FAN1: variants seen among roughly 807,000 people sequenced by gnomAD.
The protein encoded by FAN1 is FANCD2 and FANCI associated nuclease 1, also known as fanconi-associated nuclease 1.
Under a neutral mutation model 104.9 loss-of-function variants are expected in FAN1, and 91 were observed. The ratio of observed to expected loss-of-function variants is 0.87; its 90% CI spans 0.73 to 1.03. FAN1 has a LOEUF of 1.03. Among genes scored for constraint, FAN1 ranks in the 50% least tolerant of loss-of-function variants. The pLI is 0.00. For missense variants in FAN1, 1,263 were observed against 1,239.9 expected (o/e 1.02, Z -0.28); for synonymous variants, 478 against 457.6 (o/e 1.04, Z -0.57).
intron 13 of FAN1, among the ~76,000 whole-genome samples, chr15:30,931,841 T>C (rs2062718128): frequency 6.6e-6 from 1 of 152,190 alleles, no homozygotes; most frequent in African/African-American, 2.4e-5. Flanking sequence ...GTGTAAGTCC[T>C]ATAATGACTT....
At position 30,905,524 on chromosome 15, in the gene FAN1, G is replaced by A; in HGVS notation, c.861G>A (p.Glu287=). The A allele has an allele frequency of 6.2e-7, 1 of 1,614,030 alleles. No individual in the cohort carries two copies. The change falls in exon 2 of 15, where the codon GAG becomes GAA. Residue 287 remains glutamate, a synonymous_variant. Coordinates refer to ENST00000362065, the MANE Select transcript of FAN1 (RefSeq NM_014967.5). The part of the protein sequence containing the change: ...STSEDSLVKQ[E]CIKEVVEKRE... ...CAGAAGACAGTCTTGTAAAGCAAGA[G>A]TGTATCAAAGAAGTGGTTGAAAAAC... is the stretch of plus-strand genomic sequence containing the variant.
Position 30,931,110 on chromosome 15 carries a change from C to T in FAN1, c.2916+439C>T, listed in dbSNP as rs1018886531. ...GGATAAATGCTTGAGGGGACAGATA[C>T]CCCATTCCCCTTGATGTGCTTAGTT... On this transcript the variant is annotated intron_variant, in intron 13 of 14. Transcript: ENST00000362065. 2.0e-5 allele frequency among the ~76,000 whole-genome samples: 3 copies of T among 152,276 alleles called. No individual in the cohort carries two copies. The South Asian group carries it at 6.2e-4, about 32-fold the overall frequency.
At chr15:30,922,155 C>A in intron 7 of FAN1, 80 bp from the exon 8 acceptor site, 2 of 1,502,064 alleles carry the variant, frequency 1.3e-6, no homozygotes, top group Non-Finnish European at 9.0e-7. Flanking sequence ...TAGGCTTTAC[C>A]AATCCTATGG....
Position 30,905,194 on chromosome 15 carries a change from C to T in FAN1, c.531C>T (p.Ala177=), listed in dbSNP as rs201499851. 9.9e-6 allele frequency: 16 copies of T among 1,613,548 alleles called. No individual in the cohort carries two copies. The highest frequency in any genetic ancestry group is 5.5e-5 in the South Asian group (5 of 91,066). ...CAATAGATAAGGATGAAGAATTTGC[C>T]GGTTCTAGTCCACAGAGTTCCAAAT... ...KKSIDKDEEF[A]GSSPQSSKST... Residue 177 remains alanine (A), a synonymous_variant, in exon 2 of 15, where the codon GCC becomes GCT. Transcript: ENST00000362065.
At chr15:30,931,106 G>A (rs1359985763) in intron 13 of FAN1, among the ~76,000 whole-genome samples, 13 of 152,218 alleles carry the variant, frequency 8.5e-5, no homozygotes. Context: ...TGAGGGGACA[G>A]ATACCCCATT....
chr15:30,937,161 C>CA lies in FAN1; in HGVS notation c.2960dup (p.Met988AspfsTer6). The CA allele has an allele frequency of 6.2e-7, 1 of 1,613,958 alleles. No individual in the cohort carries two copies. Among genetic ancestry groups the CA allele is most frequent in the Non-Finnish European group, 8.5e-7 (1 of 1,179,906 alleles). ...CCCCAATGATCGTCTTTCACATAAG[C>CA]AGATGATCTGGCTGGCTGAACTGCA... On this transcript the variant is annotated frameshift_variant, in exon 14 of 15. Transcript: ENST00000362065. LOFTEE classifies it high-confidence loss of function.
intron 11 of FAN1, 35 bp from the exon 12 acceptor site, chr15:30,929,168 G>C: frequency 6.3e-7 from 1 of 1,594,568 alleles, no homozygotes; most frequent in Non-Finnish European, 8.6e-7. Flanking sequence ...CTCTCTGCAG[G>C]CACAGTATGA....
chr15:30,918,251 T>C lies in FAN1; in HGVS notation c.1899T>C (p.Cys633=), dbSNP rs777409216. ...NWEEAKELAQ[C]AKRDWNRLKN... ...AAGAAGCTAAGGAGCTCGCTCAGTG[T>C]GCAAAAAGGGATTGGAACAGACTGA... is the stretch of plus-strand genomic sequence containing the variant. Residue 633 remains cysteine (C), a synonymous_variant, in exon 6 of 15, where the codon TGT becomes TGC. Coordinates refer to ENST00000362065, the MANE Select transcript of FAN1 (RefSeq NM_014967.5). 9 of 1,614,070 alleles carry C rather than the reference T, an allele frequency of 5.6e-6. No homozygotes were observed. The highest frequency in any genetic ancestry group is 7.6e-6 in the Non-Finnish European group (9 of 1,180,000).
chr15:30,925,976 C>A, intron 10 of FAN1, 37 bp downstream of exon 10: 11 of 1,608,594 alleles, frequency 6.8e-6, no homozygotes, highest in Non-Finnish European at 9.4e-6. Flanking sequence ...CACCCAGCCC[C>A]GGGTGGACGA....
chr15:30,905,756 G>T lies in FAN1; in HGVS notation c.1093G>T (p.Gly365Cys), dbSNP rs370459391. 103 of 1,614,074 alleles carry T rather than the reference G, an allele frequency of 6.4e-5. No homozygotes were observed. Among genetic ancestry groups the T allele is most frequent in the Non-Finnish European group, 8.6e-5 (101 of 1,180,034 alleles). ...IPLEQGSSCNGPGQTTGHPYY... is the reference protein window; with the variant it reads ...IPLEQGSSCNCPGQTTGHPYY... ...TTTGGAGCAGGGGTCAAGCTGCAAT[G>T]GTCCTGGTCAAACAACCGGTCATCC... Residue 365 changes from glycine (G) to cysteine (C), a missense_variant, in exon 2 of 15, where the codon GGT becomes TGT. Physicochemically the swap from Gly to Cys is radical, Grantham distance 159. Coordinates refer to ENST00000362065, the MANE Select transcript of FAN1 (RefSeq NM_014967.5).
Position 30,910,942 on chromosome 15 carries a change from G to A in FAN1, c.1577+127G>A, listed in dbSNP as rs7183847. 42 of 1,380,156 alleles carry A rather than the reference G, an allele frequency of 3.0e-5. No individual in the cohort carries two copies. The African/African-American group carries it at 6.2e-4, about 20-fold the overall frequency. 85.5% of individuals were successfully genotyped at this position (1,380,156 alleles called of 1,614,324 possible). On this transcript the variant is annotated intron_variant, in intron 4 of 14. Transcript: ENST00000362065. ...AGTTGTAGTTAGATTGAGAAGGCTG[G>A]AAAAGCCTTAATTGCAATAGCCTGG...
Position 30,928,637 on chromosome 15 carries a change from T to G in FAN1, c.2573T>G (p.Val858Gly). The G allele has an allele frequency of 6.2e-7, 1 of 1,613,844 alleles. No homozygotes were observed. Among genetic ancestry groups the G allele is most frequent in the Non-Finnish European group, 8.5e-7 (1 of 1,179,950 alleles). ...DIIFMDGIPD[V>G]FRNACQAFPL... ...ATCTTCATGGATGGGATTCCGGATG[T>G]CTTCAGAAACGCCTGTCAGGTACTC... The change falls in exon 11 of 15, where the codon GTC (valine) becomes GGC (glycine). Residue 858 changes from valine to glycine, a missense_variant. Val to Gly is a moderately radical substitution (Grantham distance 109). Transcript: ENST00000362065.
chr15:30,919,636 C>G (rs1368941758), intron 6 of FAN1, among the ~76,000 whole-genome samples: 1 of 148,818 alleles, frequency 6.7e-6, no homozygotes, highest in African/African-American at 2.5e-5. Context: ...TTGTAATGAG[C>G]TGAGATCGCA....
chr15:30,929,782 TATC>T (rs1343341028), intron 12 of FAN1, among the ~76,000 whole-genome samples: 840 of 50,414 alleles, frequency 0.017, 176 homozygotes, highest in African/African-American at 0.069. Flanking sequence ...TAATATATTA[TATC>T]ATATATAATA....
In FAN1 at chr15:30,942,635, G is replaced by T. The variant is rs1267554230; in HGVS notation, c.*1073G>T. Reference sequence around the variant, plus strand: ...TTGAATCATCAAGAAATGGATAAATGGGGCTTTAGTAAATCAGGCTTGCAG... The same window carrying T: ...TTGAATCATCAAGAAATGGATAAATTGGGCTTTAGTAAATCAGGCTTGCAG... On this transcript the variant is annotated 3_prime_UTR_variant, in exon 15 of 15. Transcript: ENST00000362065. 1 of 447,188 alleles carries T rather than the reference G, an allele frequency of 2.2e-6. No individual in the cohort carries two copies. Among genetic ancestry groups the T allele is most frequent in the African/African-American group, 2.0e-5 (1 of 49,818 alleles). The allele number at this position is 447,188 out of a possible 1,614,324, so 27.7% of individuals were successfully genotyped here.
chr15:30,927,815 G>A (rs991837602), intron 10 of FAN1: 3 of 985,776 alleles, frequency 3.0e-6, no homozygotes, highest in Non-Finnish European at 3.6e-6. Flanking sequence ...CAGGGACACA[G>A]GTCTGTGTGT....
chr15:30,913,176 A>AG, intron 4 of FAN1, among the ~76,000 whole-genome samples: 1 of 152,336 alleles, frequency 6.6e-6, no homozygotes, highest in East Asian at 1.9e-4. Flanking sequence ...TCAGATCAGC[A>AG]GTGGCATTAG....
chr15:30,941,636 G>A lies in FAN1; in HGVS notation c.*74G>A, dbSNP rs1387787969. The A allele has an allele frequency of 6.2e-7, 1 of 1,608,384 alleles. No individual in the cohort carries two copies. The highest frequency in any genetic ancestry group is 8.5e-7 in the Non-Finnish European group (1 of 1,177,256). On this transcript the variant is annotated 3_prime_UTR_variant, in exon 15 of 15. Transcript: ENST00000362065. ...TGTCCCCGAGGTGTCGGTGTGGTGA[G>A]GGCCGCTGGCGTTGAAGTACATCCT...
chr15:30,908,014 T>C, intron 2 of FAN1, 104 bp from the exon 3 acceptor site: 1 of 884,380 alleles, frequency 1.1e-6, no homozygotes, highest in Non-Finnish European at 1.7e-6. Flanking sequence ...GAAGGCCTTA[T>C]ACATACAGTA....
Sources: allele counts gnomAD v4.1 joint callset (sites outside exome capture counted in the v4.1 genomes callset), GRCh38; gene constraint gnomAD v4.1.1; transcripts MANE v1.5; gene names NCBI Gene and HGNC (gene_info 2026-07-23, HGNC 2026-07-21).